Variants in SMURF1 observed in about 807,000 individuals in gnomAD.
SMURF1 encodes the protein E3 ubiquitin-protein ligase SMURF1.
SMURF1 carries 44 observed loss-of-function variants against 98.0 expected under a neutral mutation model. That is an observed-to-expected ratio of 0.45 (90% CI 0.35 to 0.58). The LOEUF (loss-of-function observed/expected upper bound fraction) is 0.58. SMURF1 is among the 20% of genes least tolerant of loss of function. The pLI, the probability that SMURF1 is intolerant of heterozygous loss-of-function variation, is 0.00. For missense variants in SMURF1, 687 were observed against 938.4 expected (o/e 0.73, Z 3.50); for synonymous variants, 396 against 374.9 (o/e 1.06, Z -0.65).
At chr7:99,066,929 CTA>C (rs1796209490) in intron 1 of SMURF1, among the ~76,000 whole-genome samples, 1 of 151,758 alleles carries the variant, frequency 6.6e-6, no homozygotes, top group Non-Finnish European at 1.5e-5. Context: ...TTGGTCCACT[CTA>C]GAGATATATG....
chr7:99,087,770 G>T (rs557345612), intron 1 of SMURF1, among the ~76,000 whole-genome samples: 17 of 152,118 alleles, frequency 1.1e-4, no homozygotes, highest in Non-Finnish European at 2.4e-4. Context: ...CGCTGCCACT[G>T]CTCAAGTCCA....
intron 1 of SMURF1, among the ~76,000 whole-genome samples, chr7:99,068,982 C>CA (rs1796260989): frequency 6.6e-6 from 1 of 151,874 alleles, no homozygotes; most frequent in Non-Finnish European, 1.5e-5. Context: ...GTGCCAAAAC[C>CA]AAAAAAATAA....
At chr7:99,128,115 AT>A (rs1294444387) in intron 1 of SMURF1, among the ~76,000 whole-genome samples, 3 of 152,196 alleles carry the variant, frequency 2.0e-5, no homozygotes, top group Non-Finnish European at 2.9e-5. Context: ...TTCAGAATGC[AT>A]TAAGATATGG....
intron 6 of SMURF1, among the ~76,000 whole-genome samples, chr7:99,053,864 TC>T (rs1415894516): frequency 6.6e-6 from 1 of 152,054 alleles, no homozygotes; most frequent in African/African-American, 2.4e-5. Context: ...GTTGAGTTCC[TC>T]CCCCCGTCAT....
chr7:99,068,510 A>T (rs1294017505), intron 1 of SMURF1, among the ~76,000 whole-genome samples: 1 of 152,164 alleles, frequency 6.6e-6, no homozygotes, highest in African/African-American at 2.4e-5. Flanking sequence ...TATGTTGCCC[A>T]GGCTGCTCCA....
In SMURF1 at chr7:99,075,929, A is replaced by G. The variant is rs113908452; in HGVS notation, c.56-14092T>C. On this transcript the variant is annotated intron_variant, in intron 1 of 17. Coordinates refer to ENST00000361368, the MANE Select transcript of SMURF1 (RefSeq NM_181349.3). ...GTCTATTGATGTTTATGATTGATTTATAAATATCTGAGTGTACAGCTCACT... is the reference window on the plus strand; with the variant it reads ...GTCTATTGATGTTTATGATTGATTTGTAAATATCTGAGTGTACAGCTCACT... Among the ~76,000 whole-genome samples, 919 of 152,302 alleles carry G rather than the reference A, an allele frequency of 6.0e-3. 14 individuals carry two copies. Among genetic ancestry groups the G allele is most frequent in the African/African-American group, 0.021 (881 of 41,556 alleles).
chr7:99,028,817 G>A lies in SMURF1; in HGVS notation c.*1767C>T, dbSNP rs1172349367. 1 of 152,180 alleles carries A rather than the reference G, an allele frequency of 6.6e-6. No individual in the cohort carries two copies. The highest frequency in any genetic ancestry group is 1.5e-5 in the Non-Finnish European group (1 of 68,036). The allele number at this position is 152,180 out of a possible 1,614,324, so 9.4% of individuals were successfully genotyped here. On this transcript the variant is annotated 3_prime_UTR_variant, in exon 18 of 18. Coordinates refer to ENST00000361368, the MANE Select transcript of SMURF1 (RefSeq NM_181349.3). ...GCTCGTGATAGAGAGTGGGCTGTCC[G>A]GGGGAGGTCTGTAGTTTTCACTTCC...
At chr7:99,052,505 G>A (rs901140105) in intron 6 of SMURF1, 59 bp from the exon 7 acceptor site, 76 of 1,458,322 alleles carry the variant, frequency 5.2e-5, no homozygotes, top group Non-Finnish European at 6.3e-5. Context: ...CAAGACCAGC[G>A]CCTTAGGGCT....
At chr7:99,036,342 A>C (rs1293783067) in intron 15 of SMURF1, 1 of 157,030 alleles carries the variant, frequency 6.4e-6, no homozygotes, top group Non-Finnish European at 1.4e-5. Context: ...GCCAGGCATG[A>C]TGACGTGCAC....
intron 14 of SMURF1, among the ~76,000 whole-genome samples, chr7:99,037,941 G>A (rs1417272246): frequency 6.6e-6 from 1 of 152,210 alleles, no homozygotes; most frequent in Non-Finnish European, 1.5e-5. Context: ...ACAGGACAGC[G>A]TGGCACACAG....
At chr7:99,122,692 G>C (rs1797663252) in intron 1 of SMURF1, among the ~76,000 whole-genome samples, 1 of 146,776 alleles carries the variant, frequency 6.8e-6, no homozygotes, top group Non-Finnish European at 1.5e-5. Context: ...CTACTAAAAG[G>C]CTCACTCCAT....
chr7:99,057,126 G>A (rs1023702036), intron 5 of SMURF1, 79 bp downstream of exon 5: 3 of 1,486,632 alleles, frequency 2.0e-6, no homozygotes, highest in African/African-American at 2.8e-5. Context: ...GTCAGTGCCT[G>A]TATGTGAGTT....
chr7:99,091,854 AT>A (rs1010281237), intron 1 of SMURF1, among the ~76,000 whole-genome samples: 6 of 152,126 alleles, frequency 3.9e-5, no homozygotes, highest in African/African-American at 1.4e-4. Context: ...ATTAGGTGCA[AT>A]TACTTTTGCA....
At chr7:99,123,845 C>G (rs1470160147) in intron 1 of SMURF1, among the ~76,000 whole-genome samples, 4 of 152,184 alleles carry the variant, frequency 2.6e-5, no homozygotes, top group East Asian at 1.9e-4. Flanking sequence ...CAAAGCAGTT[C>G]AACTTTAGTC....
At chr7:99,045,100 C>G (rs1795528822) in intron 11 of SMURF1, among the ~76,000 whole-genome samples, 1 of 151,892 alleles carries the variant, frequency 6.6e-6, no homozygotes, top group African/African-American at 2.4e-5. Context: ...GATTGTGCCA[C>G]TGCACTCCAG....
chr7:99,035,180 C>T (rs1018252418), intron 16 of SMURF1, among the ~76,000 whole-genome samples: 1 of 152,240 alleles, frequency 6.6e-6, no homozygotes, highest in Non-Finnish European at 1.5e-5. Context: ...TCCCCCATAG[C>T]TCCCTCCCCG....
intron 1 of SMURF1, among the ~76,000 whole-genome samples, chr7:99,081,992 G>A (rs1796586153): frequency 1.3e-5 from 2 of 152,162 alleles, no homozygotes; most frequent in Non-Finnish European, 2.9e-5. Context: ...GTGAGTCTAC[G>A]GGGTATCTCA....
At chr7:99,043,923 A>C (rs1417441316) in intron 11 of SMURF1, among the ~76,000 whole-genome samples, 2 of 152,198 alleles carry the variant, frequency 1.3e-5, no homozygotes, top group Admixed American at 6.5e-5. Context: ...TCTCAGGACA[A>C]CCACGGCACA....
chr7:99,057,157 T>A, intron 5 of SMURF1, 48 bp downstream of exon 5: 1 of 1,602,888 alleles, frequency 6.2e-7, no homozygotes, highest in South Asian at 1.1e-5. Context: ...AAGGGTTGAA[T>A]GTAAGTTCTG....
Sources: gnomAD v4.1 joint callset for allele counts (sites outside exome capture counted in the v4.1 genomes callset) on GRCh38, gnomAD v4.1.1 for gene constraint, MANE v1.5 for transcripts, NCBI Gene and HGNC (gene_info 2026-07-23, HGNC 2026-07-21) for gene names.